The following INPP5A variants were observed in gnomAD, a reference collection of about 807,000 sequenced individuals.
INPP5A encodes 43 kDa inositol polyphosphate 5-phophatase.
Under a neutral mutation model 65.2 loss-of-function variants are expected in INPP5A, and 14 were observed. The observed-to-expected ratio is 0.21, with a 90% CI of 0.14 to 0.34. The LOEUF (loss-of-function observed/expected upper bound fraction) is 0.34, where lower values mean the gene tolerates loss of function less well. INPP5A is among the 10% of genes least tolerant of loss of function. The pLI is 1.00. For synonymous variants in INPP5A, 207 were observed against 208.3 expected (o/e 0.99, Z 0.05); for missense variants, 431 against 545.6 (o/e 0.79, Z 2.09).
chr10:132,771,078 T>G (rs1460602523), intron 12 of INPP5A, among the ~76,000 whole-genome samples: 2 of 152,070 alleles, frequency 1.3e-5, no homozygotes, highest in African/African-American at 4.8e-5. Flanking sequence ...GCCACCGAGG[T>G]CTAAGTTACC....
intron 8 of INPP5A, among the ~76,000 whole-genome samples, chr10:132,713,016 G>GTGTA (rs546592945): frequency 6.6e-6 from 1 of 151,416 alleles, no homozygotes; most frequent in African/African-American, 2.4e-5. Context: ...GTGTGCTGGG[G>GTGTA]TGTATGTATG....
chr10:132,741,669 G>A lies in INPP5A; in HGVS notation c.733-7848G>A, dbSNP rs1250432933. 6.6e-6 allele frequency among the ~76,000 whole-genome samples: 1 copy of A among 152,084 alleles called. No homozygotes were observed. Among genetic ancestry groups the A allele is most frequent in the Non-Finnish European group, 1.5e-5 (1 of 68,022 alleles). ...AATGAAGGTGGACGTTGGTATCCGC[G>A]TCCGCTTGCTTTTCTCAATAGCCAA... On this transcript the variant is annotated intron_variant, in intron 9 of 15. Transcript: ENST00000368594. This position sits in a 1 kb window ranked among gnomAD's most constrained non-coding sequence, Gnocchi z 4.4.
At chr10:132,589,422 C>T (rs1187580713) in intron 1 of INPP5A, among the ~76,000 whole-genome samples, 1 of 152,250 alleles carries the variant, frequency 6.6e-6, no homozygotes, top group Non-Finnish European at 1.5e-5. Flanking sequence ...GTTCCAAACC[C>T]TGAGGGTCCC....
intron 1 of INPP5A, among the ~76,000 whole-genome samples, chr10:132,544,215 G>A (rs952210041): frequency 2.0e-5 from 3 of 152,250 alleles, no homozygotes; most frequent in South Asian, 4.1e-4. Flanking sequence ...CACTCCCAGC[G>A]AGAAGCGCAC....
chr10:132,558,765 A>G (rs1048612898), intron 1 of INPP5A, among the ~76,000 whole-genome samples: 3 of 151,926 alleles, frequency 2.0e-5, no homozygotes, highest in Admixed American at 2.0e-4. Flanking sequence ...CTTTGCCTAA[A>G]CTCCTCAGGG....
In INPP5A at chr10:132,658,900, C is replaced by T. The variant is rs541902055; in HGVS notation, c.306+8395C>T. ...ATGCACCCGGCAGGAGAGTGGAAGG[C>T]GTCGGGCCTGGGGCAGTTTGAAAAG... On this transcript the variant is annotated intron_variant, in intron 4 of 15. Transcript: ENST00000368594. Among the ~76,000 whole-genome samples the T allele has an allele frequency of 7.2e-4, 109 of 152,220 alleles. 1 individual carries two copies. Among genetic ancestry groups the T allele is most frequent in the African/African-American group, 2.4e-3 (101 of 41,550 alleles).
In INPP5A at chr10:132,628,788, C is replaced by T. The variant is rs554519925; in HGVS notation, c.118-17080C>T. 6.6e-5 allele frequency among the ~76,000 whole-genome samples: 10 copies of T among 152,194 alleles called. No individual in the cohort carries two copies. The South Asian group carries it at 2.1e-3, about 32-fold the overall frequency. ...TCAAAAGCTTCTCTTAGAATCTAGC[C>T]CAGCCCCATCCAATAGAAATGGTGT... On this transcript the variant is annotated intron_variant, in intron 2 of 15. Transcript: ENST00000368594.
chr10:132,717,946 T>G (rs1845773442), intron 8 of INPP5A, among the ~76,000 whole-genome samples: 1 of 136,602 alleles, frequency 7.3e-6, no homozygotes, highest in Admixed American at 7.2e-5. Context: ...ACGGCTGTCT[T>G]GCGGGTTCTG....
intron 4 of INPP5A, among the ~76,000 whole-genome samples, chr10:132,669,907 A>T (rs2133432882): frequency 6.6e-6 from 1 of 152,074 alleles, no homozygotes; most frequent in East Asian, 1.9e-4. Context: ...CTCAGGGTGC[A>T]GCCCTGCACA....
chr10:132,651,989 G>A lies in INPP5A; in HGVS notation c.306+1484G>A, dbSNP rs1216789312. ...CCAGAGCCAAGGCCCTCACCCCTGT[G>A]CTCAGGATGTAGCTCCTCCTGTCAG... On this transcript the variant is annotated intron_variant, in intron 4 of 15. Transcript: ENST00000368594. The surrounding 1 kb of genome is among the most constrained non-coding windows in gnomAD (Gnocchi z 5.0). Among the ~76,000 whole-genome samples, 1 of 151,392 alleles carries A rather than the reference G, an allele frequency of 6.6e-6. No individual in the cohort carries two copies. Among genetic ancestry groups the A allele is most frequent in the African/African-American group, 2.5e-5 (1 of 40,716 alleles).
rs775805635 is a variant in INPP5A at position 132,551,312 on chromosome 10, G to C, written c.75+13141G>C. ...CCTGCGAGTGTGAAGCTGAGAACTG[G>C]GTTGACTGCCTGCTGCTTTGTTTCT... On this transcript the variant is annotated intron_variant, in intron 1 of 15. Coordinates refer to ENST00000368594, the MANE Select transcript of INPP5A (RefSeq NM_005539.5). This position sits in a 1 kb window ranked among gnomAD's most constrained non-coding sequence, Gnocchi z 5.3. 1.3e-5 allele frequency among the ~76,000 whole-genome samples: 2 copies of C among 152,192 alleles called. No individual in the cohort carries two copies. Among genetic ancestry groups the C allele is most frequent in the Non-Finnish European group, 2.9e-5 (2 of 68,044 alleles).
At chr10:132,611,580 G>A (rs1200054714) in intron 2 of INPP5A, among the ~76,000 whole-genome samples, 3 of 127,542 alleles carry the variant, frequency 2.4e-5, no homozygotes, top group South Asian at 2.8e-4. Flanking sequence ...GAGAGGCCCT[G>A]TCAGGGGAGG....
intron 1 of INPP5A, among the ~76,000 whole-genome samples, chr10:132,592,639 T>G (rs1308039097): frequency 3.3e-5 from 5 of 152,218 alleles, no homozygotes; most frequent in Admixed American, 2.6e-4. Context: ...ACTCCTGATC[T>G]CAGGTGATCC....
intron 2 of INPP5A, among the ~76,000 whole-genome samples, chr10:132,625,889 T>A (rs2133366597): frequency 6.6e-6 from 1 of 151,862 alleles, no homozygotes; most frequent in South Asian, 2.1e-4. Context: ...TGTGTGTGTG[T>A]GTGTACAGTG....
intron 1 of INPP5A, among the ~76,000 whole-genome samples, chr10:132,596,933 ACG>A (rs2071705009): frequency 1.5e-4 from 1 of 6,762 alleles, no homozygotes; most frequent in African/African-American, 2.3e-4. Context: ...GCGCATGTGC[ACG>A]CATGTGTGCG....
chr10:132,657,945 G>T (rs969648137), intron 4 of INPP5A, among the ~76,000 whole-genome samples: 1 of 152,360 alleles, frequency 6.6e-6, no homozygotes, highest in Non-Finnish European at 1.5e-5. Flanking sequence ...CAGCGGGCAG[G>T]TAATGACCTG....
intron 1 of INPP5A, among the ~76,000 whole-genome samples, chr10:132,597,886 G>A (rs988726787): frequency 6.9e-6 from 1 of 145,030 alleles, no homozygotes; most frequent in East Asian, 2.0e-4. Context: ...CGTGTTCCGG[G>A]GCTGTGCTAT....
At chr10:132,708,217 T>C (rs1845570120) in intron 6 of INPP5A, 96 bp from the exon 7 acceptor site, 5 of 1,100,272 alleles carry the variant, frequency 4.5e-6, no homozygotes, top group Non-Finnish European at 6.8e-6. Context: ...GTTTTTTGTT[T>C]GGAAAGCATC....
At chr10:132,730,757 G>A (rs916911111) in intron 9 of INPP5A, among the ~76,000 whole-genome samples, 32 of 152,288 alleles carry the variant, frequency 2.1e-4, no homozygotes, top group Admixed American at 1.5e-3. Context: ...AGTCCCAGCC[G>A]CGTTGGCGTG....
Sources: gnomAD v4.1 joint callset for allele counts (sites outside exome capture counted in the v4.1 genomes callset) on GRCh38, gnomAD v4.1.1 for gene constraint, Gnocchi (gnomAD v3.1) non-coding constraint, MANE v1.5 for transcripts, NCBI Gene and HGNC (gene_info 2026-07-23, HGNC 2026-07-21) for gene names.